The following EPB41L1 variants were observed in gnomAD, a reference collection of about 807,000 sequenced individuals.
The protein encoded by EPB41L1 is band 4.1-like protein 1.
A neutral mutation model predicts 97.8 loss-of-function variants in EPB41L1; 29 were observed. The ratio of observed to expected loss-of-function variants is 0.30; its 90% CI spans 0.22 to 0.40. EPB41L1 has a LOEUF of 0.40. Among genes scored for constraint, EPB41L1 ranks in the 10% least tolerant of loss-of-function variants. The probability of loss-of-function intolerance (pLI) is 1.00; values close to 1 mark genes in which losing one functional copy is unlikely to be tolerated. For missense variants in EPB41L1, 812 were observed against 1,162.3 expected (o/e 0.70, Z 4.38); for synonymous variants, 383 against 459.2 (o/e 0.83, Z 2.12).
rs552642076 is a variant in EPB41L1, at chr20:36,171,371, G to A, written c.-14-2393G>A. ...CTCATTGTCCTGTAAGTGACAGAGA[G>A]CCTTTATTTAACTATGGCTTTACGT... On this transcript the variant is annotated intron_variant, in intron 1 of 21. Coordinates refer to ENST00000338074, the MANE Select transcript of EPB41L1 (RefSeq NM_012156.2). 2.0e-5 allele frequency among the ~76,000 whole-genome samples: 3 copies of A among 152,218 alleles called. No individual in the cohort carries two copies. The South Asian group carries it at 6.2e-4, about 32-fold the overall frequency.
At position 36,206,999 on chromosome 20, in the gene EPB41L1, G is replaced by C. The variant is rs561994874; in HGVS notation, c.1669-2489G>C. 7.0e-6 allele frequency: 9 copies of C among 1,289,990 alleles called. No homozygotes were observed. The South Asian group carries it at 8.6e-5, about 12-fold the overall frequency. The allele number at this position is 1,289,990 out of a possible 1,614,324, so 79.9% of individuals were successfully genotyped here. A position where few individuals can be genotyped will look rare whatever the true frequency, so the allele number is the denominator to read the frequency against. On this transcript the variant is annotated intron_variant, in intron 14 of 21. Coordinates refer to ENST00000338074, the MANE Select transcript of EPB41L1 (RefSeq NM_012156.2). The surrounding 1 kb of genome is among the most constrained non-coding windows in gnomAD (Gnocchi z 5.5). ...AGAGGCAACTTCCCACCCAAAGAGAGGGGAGTGGTTCCCACCCAGAAAGGA... is the reference window on the plus strand; with the variant it reads ...AGAGGCAACTTCCCACCCAAAGAGACGGGAGTGGTTCCCACCCAGAAAGGA...
At chr20:36,191,213 G>T (rs1157237990) in intron 11 of EPB41L1, among the ~76,000 whole-genome samples, 2 of 152,080 alleles carry the variant, frequency 1.3e-5, no homozygotes, top group African/African-American at 4.8e-5. Flanking sequence ...CCTTACACTG[G>T]TCATCATCAT....
chr20:36,159,348 T>C (rs2060438763), intron 1 of EPB41L1, among the ~76,000 whole-genome samples: 1 of 152,196 alleles, frequency 6.6e-6, no homozygotes. Context: ...TGGGAAAGCT[T>C]TGGAACATCC....
intron 1 of EPB41L1, among the ~76,000 whole-genome samples, chr20:36,104,077 AAAT>A (rs557733188): frequency 1.3e-5 from 2 of 152,272 alleles, no homozygotes; most frequent in Admixed American, 1.3e-4. Flanking sequence ...AGAGACAAAA[AAAT>A]AATAATAACA....
At chr20:36,117,360 C>T (rs1190257736) in intron 2 of EPB41L1, among the ~76,000 whole-genome samples, 2 of 152,144 alleles carry the variant, frequency 1.3e-5, no homozygotes, top group Admixed American at 1.3e-4. Flanking sequence ...TGGATTTCTC[C>T]AATCCTTCTT....
chr20:36,094,027 T>C (rs1428351751), intron 1 of EPB41L1, among the ~76,000 whole-genome samples: 1 of 152,202 alleles, frequency 6.6e-6, no homozygotes, highest in Non-Finnish European at 1.5e-5. Flanking sequence ...CTCTCTACTT[T>C]GAAAGAGATG....
chr20:36,147,671 C>T (rs2059892395), intron 2 of EPB41L1, among the ~76,000 whole-genome samples: 1 of 152,226 alleles, frequency 6.6e-6, no homozygotes, highest in African/African-American at 2.4e-5. Flanking sequence ...CAGATGCTCT[C>T]TGCAATGGCG....
intron 15 of EPB41L1, among the ~76,000 whole-genome samples, chr20:36,210,241 C>G (rs1241396281): frequency 6.6e-6 from 1 of 152,158 alleles, no homozygotes; most frequent in Non-Finnish European, 1.5e-5. Flanking sequence ...GCTCCTGCAG[C>G]CTGGTCTGAA....
At chr20:36,221,738 A>C (rs2063792910) in intron 19 of EPB41L1, 126 bp from the exon 20 acceptor site, 1 of 819,848 alleles carries the variant, frequency 1.2e-6, no homozygotes, top group Non-Finnish European at 2.1e-6. Context: ...AATCTGAGGA[A>C]GTCAGGAGAG....
chr20:36,163,205 T>C (rs1419668506), intron 1 of EPB41L1, among the ~76,000 whole-genome samples: 2 of 151,724 alleles, frequency 1.3e-5, no homozygotes, highest in African/African-American at 2.4e-5. Context: ...TAGTAGAAAA[T>C]TGAAAAATAC....
intron 14 of EPB41L1, among the ~76,000 whole-genome samples, chr20:36,205,667 G>A (rs2062759387): frequency 6.6e-6 from 1 of 152,154 alleles, no homozygotes; most frequent in African/African-American, 2.4e-5. Context: ...TGGGAAGAGG[G>A]ACCTTGATGA....
intron 13 of EPB41L1, among the ~76,000 whole-genome samples, chr20:36,196,738 A>G (rs1013415239): frequency 1.3e-5 from 2 of 152,196 alleles, no homozygotes; most frequent in African/African-American, 4.8e-5. Flanking sequence ...GAGATTGTCC[A>G]TTTCTTGTCC....
intron 2 of EPB41L1, among the ~76,000 whole-genome samples, chr20:36,117,141 C>CAAT (rs2058610535): frequency 1.3e-5 from 2 of 152,156 alleles, no homozygotes; most frequent in African/African-American, 4.8e-5. Flanking sequence ...ATTCCTCCTC[C>CAAT]TGTGGCAGTG....
At chr20:36,170,483 G>A (rs1048787966) in intron 1 of EPB41L1, among the ~76,000 whole-genome samples, 1 of 152,102 alleles carries the variant, frequency 6.6e-6, no homozygotes, top group Non-Finnish European at 1.5e-5. Flanking sequence ...TCTTTTCCAT[G>A]ATTTTTTACG....
chr20:36,195,484 C>A lies in EPB41L1; in HGVS notation c.1485+120C>A. On this transcript the variant is annotated intron_variant, in intron 13 of 21. Coordinates refer to ENST00000338074, the MANE Select transcript of EPB41L1 (RefSeq NM_012156.2). This position sits in a 1 kb window ranked among gnomAD's most constrained non-coding sequence, Gnocchi z 4.6. The stretch of plus-strand genomic sequence containing the variant: ...CACCATCTCAGCTTCAACTTCATCT[C>A]TGCTCCCCAGCCATCCCCCTCTGCA... The A allele has an allele frequency of 8.4e-7, 1 of 1,195,576 alleles. No individual in the cohort carries two copies. 74.1% of individuals were successfully genotyped at this position (1,195,576 alleles called of 1,614,324 possible). A position where few individuals can be genotyped will look rare whatever the true frequency, so the allele number is the denominator to read the frequency against.
rs143138098 is a variant in EPB41L1 at position 36,212,107 on chromosome 20, A to G, written c.2080-165A>G. ...GGCTCTCCTCGCGGGCTATCTGTCT[A>G]TGATATCACACCACAACTCTTTTAC... is the stretch of plus-strand genomic sequence containing the variant. On this transcript the variant is annotated intron_variant, in intron 15 of 21. Coordinates refer to ENST00000338074, the MANE Select transcript of EPB41L1 (RefSeq NM_012156.2). The surrounding 1 kb of genome is among the most constrained non-coding windows in gnomAD (Gnocchi z 4.8). Among the ~76,000 whole-genome samples, 12 of 152,306 alleles carry G rather than the reference A, an allele frequency of 7.9e-5. No homozygotes were observed. Among genetic ancestry groups the G allele is most frequent in the East Asian group, 1.9e-4 (1 of 5,188 alleles).
At chr20:36,187,830 C>T (rs2061748826) in intron 8 of EPB41L1, 67 bp downstream of exon 8, 4 of 1,424,056 alleles carry the variant, frequency 2.8e-6, no homozygotes, top group Non-Finnish European at 3.9e-6. Context: ...CAGGCCTTTC[C>T]CTAGGGCGTG....
intron 3 of EPB41L1, among the ~76,000 whole-genome samples, chr20:36,176,767 G>A (rs2061253858): frequency 6.6e-6 from 1 of 151,658 alleles, no homozygotes; most frequent in Non-Finnish European, 1.5e-5. Context: ...GAATAGCTGG[G>A]ATTACAGGTG....
chr20:36,204,895 C>A (rs977920252), intron 14 of EPB41L1, among the ~76,000 whole-genome samples: 2 of 152,088 alleles, frequency 1.3e-5, no homozygotes, highest in African/African-American at 2.4e-5. Flanking sequence ...CCAGCCTCAG[C>A]CTCCCAAAGT....
Sources: gnomAD v4.1 joint callset for allele counts (sites outside exome capture counted in the v4.1 genomes callset) on GRCh38, gnomAD v4.1.1 for gene constraint, Gnocchi (gnomAD v3.1) non-coding constraint, MANE v1.5 for transcripts, NCBI Gene and HGNC (gene_info 2026-07-23, HGNC 2026-07-21) for gene names.